The following FNIP2 variants were observed in gnomAD, a reference collection of about 807,000 sequenced individuals.
The protein encoded by FNIP2 is folliculin interacting protein 2, also known as folliculin-interacting protein 2.
In FNIP2, 32 loss-of-function variants were observed where a neutral mutation model predicts 108.7. The observed-to-expected ratio is 0.29, with a 90% CI of 0.22 to 0.40. The LOEUF (loss-of-function observed/expected upper bound fraction) is 0.40, where lower values mean the gene tolerates loss of function less well. Among genes scored for constraint, FNIP2 ranks in the 10% least tolerant of loss-of-function variants. The pLI is 1.00. For synonymous variants in FNIP2, 480 were observed against 496.7 expected (o/e 0.97, Z 0.45); for missense variants, 1,202 against 1,381.6 (o/e 0.87, Z 2.06).
chr4:158,872,215 A>T, intron 14 of FNIP2: 1 of 985,424 alleles, frequency 1.0e-6, no homozygotes. Flanking sequence ...CACTCTGGAA[A>T]TGCAATCTAT....
chr4:158,881,102 T>C (rs1413257188), intron 14 of FNIP2, among the ~76,000 whole-genome samples: 1 of 152,218 alleles, frequency 6.6e-6, no homozygotes, highest in East Asian at 1.9e-4. Flanking sequence ...GTTTAATAAA[T>C]GTATTAAACT....
chr4:158,899,853 C>G (rs1008524337), intron 16 of FNIP2, among the ~76,000 whole-genome samples: 30 of 152,062 alleles, frequency 2.0e-4, no homozygotes, highest in Middle Eastern at 3.4e-3. Context: ...TCGTTCAGTT[C>G]TGCTCTGATC....
intron 7 of FNIP2, among the ~76,000 whole-genome samples, chr4:158,846,409 T>C (rs191119413): frequency 1.3e-5 from 2 of 152,284 alleles, no homozygotes. Context: ...TGTGGTACTT[T>C]ATTGTCCCCG....
chr4:158,864,115 C>A (rs1403527523), intron 12 of FNIP2, among the ~76,000 whole-genome samples: 1 of 152,116 alleles, frequency 6.6e-6, no homozygotes, highest in Non-Finnish European at 1.5e-5. Context: ...TTCACCACAG[C>A]CCCAACCACC....
chr4:158,872,350 C>A, intron 14 of FNIP2: 1 of 985,338 alleles, frequency 1.0e-6, no homozygotes. Context: ...CTCTATAATT[C>A]TTTTATTTGA....
chr4:158,897,808 AGTTT>A (rs1342029340), intron 16 of FNIP2, among the ~76,000 whole-genome samples: 2 of 152,138 alleles, frequency 1.3e-5, no homozygotes, highest in Non-Finnish European at 2.9e-5. Context: ...CTCTGATGAT[AGTTT>A]ATTTTGCTGT....
intron 1 of FNIP2, among the ~76,000 whole-genome samples, chr4:158,807,762 G>A (rs547541033): frequency 6.6e-6 from 1 of 152,172 alleles, no homozygotes; most frequent in African/African-American, 2.4e-5. Flanking sequence ...GTCCATTACA[G>A]CGTAAGAGCA....
intron 12 of FNIP2, among the ~76,000 whole-genome samples, chr4:158,866,374 C>T (rs1370316797): frequency 6.0e-5 from 9 of 149,944 alleles, no homozygotes; most frequent in Admixed American, 1.3e-4. Flanking sequence ...TCTGCCACCA[C>T]GCCTGGCTAA....
intron 16 of FNIP2, among the ~76,000 whole-genome samples, chr4:158,902,797 C>A (rs550995577): frequency 1.3e-5 from 2 of 152,280 alleles, no homozygotes; most frequent in African/African-American, 4.8e-5. Flanking sequence ...GAGGCTAAAC[C>A]GCTTACTCAA....
At chr4:158,844,990 A>G (rs1004338150) in intron 7 of FNIP2, among the ~76,000 whole-genome samples, 1 of 152,228 alleles carries the variant, frequency 6.6e-6, no homozygotes, top group Non-Finnish European at 1.5e-5. Flanking sequence ...GGACAAAAGC[A>G]CAGTTGTGTT....
Position 158,841,117 on chromosome 4 carries a change from T to C in FNIP2, c.727+5641T>C, listed in dbSNP as rs565692407. On this transcript the variant is annotated intron_variant, in intron 7 of 16. Coordinates refer to ENST00000264433, the MANE Select transcript of FNIP2 (RefSeq NM_020840.3). ...TCTACATGCACACACCAAGAGGATA[T>C]GAAAAGGTTTATTACTCACATAATG... 2.6e-5 allele frequency among the ~76,000 whole-genome samples: 4 copies of C among 152,208 alleles called. No homozygotes were observed. The South Asian group carries it at 8.3e-4, about 32-fold the overall frequency.
chr4:158,816,190 A>C (rs752699468), intron 1 of FNIP2, among the ~76,000 whole-genome samples: 1 of 152,180 alleles, frequency 6.6e-6, no homozygotes, highest in African/African-American at 2.4e-5. Context: ...GAGACCTTAC[A>C]CAGAGAATCA....
At position 158,769,184 on chromosome 4, in the gene FNIP2, G is replaced by T; in HGVS notation, c.-29G>T. On this transcript the variant is annotated 5_prime_UTR_variant, in exon 1 of 17. Transcript: ENST00000264433. ...GCGCTGAGCCGCCGGCCCCCCGAGC[G>T]CCACGGCCGGAGCTGCGGCGGCGGC... is the stretch of plus-strand genomic sequence containing the variant. 3 of 1,241,370 alleles carry T rather than the reference G, an allele frequency of 2.4e-6. No homozygotes were observed. The highest frequency in any genetic ancestry group is 3.1e-6 in the Non-Finnish European group (3 of 967,576). The allele number at this position is 1,241,370 out of a possible 1,614,324, so 76.9% of individuals were successfully genotyped here.
intron 14 of FNIP2, among the ~76,000 whole-genome samples, chr4:158,875,392 G>A (rs2126725550): frequency 6.6e-6 from 1 of 151,752 alleles, no homozygotes; most frequent in East Asian, 1.9e-4. Context: ...TTTATAAGAT[G>A]AAGTAACCAT....
At chr4:158,892,186 G>A (rs1782321198) in intron 15 of FNIP2, among the ~76,000 whole-genome samples, 1 of 136,624 alleles carries the variant, frequency 7.3e-6, no homozygotes, top group Non-Finnish European at 1.5e-5. Flanking sequence ...TCTGGAGTGA[G>A]TAGTGCAGTG....
At chr4:158,835,133 GT>G (rs918045740) in intron 6 of FNIP2, 154 of 183,440 alleles carry the variant, frequency 8.4e-4, no homozygotes, top group East Asian at 2.4e-3. Flanking sequence ...ATTATTCAGA[GT>G]TTTTTTTTTA....
At chr4:158,903,016 G>A (rs1424550556) in intron 16 of FNIP2, among the ~76,000 whole-genome samples, 2 of 152,128 alleles carry the variant, frequency 1.3e-5, no homozygotes, top group East Asian at 1.9e-4. Flanking sequence ...CTAGCATTCC[G>A]GGTGCCACTG....
intron 16 of FNIP2, among the ~76,000 whole-genome samples, chr4:158,900,079 T>G (rs1729059680): frequency 6.6e-6 from 1 of 152,238 alleles, no homozygotes; most frequent in Admixed American, 6.5e-5. Flanking sequence ...AGAACTTTTA[T>G]TTCTGCCTTC....
rs753383509 is a variant in FNIP2, at chr4:158,845,303, G to C, written c.728-6018G>C. On this transcript the variant is annotated intron_variant, in intron 7 of 16. Coordinates refer to ENST00000264433, the MANE Select transcript of FNIP2 (RefSeq NM_020840.3). The stretch of plus-strand genomic sequence containing the variant: ...TATCCAGTACACAGAGTTAACTGGA[G>C]GCACAGCTAGCACTGAACTCATGCA... Among the ~76,000 whole-genome samples the C allele has an allele frequency of 5.9e-5, 9 of 152,230 alleles. No homozygotes were observed. In the East Asian group the frequency reaches 1.3e-3, roughly 23 times the overall value.
Sources: allele counts gnomAD v4.1 joint callset (sites outside exome capture counted in the v4.1 genomes callset), GRCh38; gene constraint gnomAD v4.1.1; transcripts MANE v1.5; gene names NCBI Gene and HGNC (gene_info 2026-07-23, HGNC 2026-07-21).